LRRC37A2: variants seen among roughly 807,000 people sequenced by gnomAD.
The protein encoded by LRRC37A2 is leucine rich repeat containing 37 member A2.
A neutral mutation model predicts 68.8 loss-of-function variants in LRRC37A2; 9 were observed. The observed-to-expected ratio is 0.13, with a 90% CI of 0.08 to 0.23. The LOEUF (loss-of-function observed/expected upper bound fraction) is 0.23. Among genes scored for constraint, LRRC37A2 ranks in the 10% least tolerant of loss-of-function variants. The pLI is 1.00. For synonymous variants in LRRC37A2, 63 were observed against 367.6 expected, an observed-to-expected ratio of 0.17 and a Z score of 9.48; for missense variants, 168 against 950.4, an observed-to-expected ratio of 0.18 and a Z score of 10.82.
At chr17:46,720,939 C>T in the LRRC37A2 span, among the ~76,000 whole-genome samples, 1 of 152,176 alleles carries the variant, frequency 6.6e-6, no homozygotes, top group African/African-American at 2.4e-5. Context: ...TGGTGTGCTC[C>T]CATTTGCACT....
chr17:46,966,496 C>A, the LRRC37A2 span: 1 of 676,254 alleles, frequency 1.5e-6, no homozygotes. Flanking sequence ...TACAGGTGCA[C>A]CCCACCACAC....
the LRRC37A2 span, chr17:46,973,131 CAT>C: frequency 6.5e-6 from 1 of 153,144 alleles, no homozygotes; most frequent in East Asian, 2.0e-4. Flanking sequence ...GTGCAACCCA[CAT>C]GTGTACACGT....
At chr17:46,870,567 C>T in the LRRC37A2 span, among the ~76,000 whole-genome samples, 5 of 152,320 alleles carry the variant, frequency 3.3e-5, no homozygotes, top group East Asian at 1.9e-4. Context: ...TCGGAGGTTT[C>T]GGAGATATGC....
the LRRC37A2 span, among the ~76,000 whole-genome samples, chr17:46,852,697 C>CTTTAA: frequency 2.0e-5 from 3 of 152,106 alleles, no homozygotes; most frequent in South Asian, 6.2e-4. Flanking sequence ...CAGCCTGTTA[C>CTTTAA]TTTAAGCCTT....
the LRRC37A2 span, among the ~76,000 whole-genome samples, chr17:46,804,705 C>T: frequency 2.0e-5 from 3 of 152,176 alleles, no homozygotes; most frequent in Non-Finnish European, 2.9e-5. Context: ...TGAGGCCAGC[C>T]GGACTTCCTG....
chr17:47,035,730 C>G, the LRRC37A2 span, among the ~76,000 whole-genome samples: 1 of 152,196 alleles, frequency 6.6e-6, no homozygotes, highest in Non-Finnish European at 1.5e-5. Flanking sequence ...TTTTGAGGAC[C>G]TGTCAGGCTG....
At chr17:46,837,347 T>C in the LRRC37A2 span, among the ~76,000 whole-genome samples, 2 of 152,198 alleles carry the variant, frequency 1.3e-5, no homozygotes, top group African/African-American at 4.8e-5. Flanking sequence ...AACCTACTCA[T>C]GGAGCCAAAT....
chr17:46,881,579 C>G, the LRRC37A2 span, among the ~76,000 whole-genome samples: 1 of 152,332 alleles, frequency 6.6e-6, no homozygotes, highest in East Asian at 1.9e-4. Flanking sequence ...ACACCATCCT[C>G]ACCTCCTCCT....
chr17:46,491,176 C>T, the LRRC37A2 span, among the ~76,000 whole-genome samples: 6 of 151,088 alleles, frequency 4.0e-5, no homozygotes, highest in African/African-American at 7.4e-5. Flanking sequence ...GGATTATAGG[C>T]GTGAGCCACT....
At chr17:46,979,845 GA>G in the LRRC37A2 span, among the ~76,000 whole-genome samples, 4 of 146,254 alleles carry the variant, frequency 2.7e-5, no homozygotes, top group Non-Finnish European at 6.0e-5. Context: ...TAGAAAACAT[GA>G]ATTACCGAAA....
the LRRC37A2 span, among the ~76,000 whole-genome samples, chr17:46,771,440 G>C: frequency 6.6e-6 from 1 of 150,516 alleles, no homozygotes; most frequent in Non-Finnish European, 1.5e-5. Flanking sequence ...GCCTCTCGCG[G>C]CGGCAGCGGC....
At chr17:46,905,103 G>A in the LRRC37A2 span, among the ~76,000 whole-genome samples, 37 of 151,020 alleles carry the variant, frequency 2.5e-4, no homozygotes, top group Admixed American at 3.3e-4. Flanking sequence ...ATGGGGTTTC[G>A]CTCTGTTGCC....
the LRRC37A2 span, among the ~76,000 whole-genome samples, chr17:46,857,453 CA>C: frequency 3.6e-4 from 44 of 121,256 alleles, no homozygotes; most frequent in African/African-American, 1.4e-3. Context: ...CCAGCCTGGG[CA>C]ACAGAGCAAG....
chr17:46,841,854 T>C, the LRRC37A2 span, among the ~76,000 whole-genome samples: 3 of 152,152 alleles, frequency 2.0e-5, no homozygotes, highest in African/African-American at 7.2e-5. Flanking sequence ...AGTGAAGGGG[T>C]AGGCCGACCC....
chr17:46,939,151 C>G, the LRRC37A2 span: 1 of 1,115,276 alleles, frequency 9.0e-7, no homozygotes, highest in Non-Finnish European at 1.1e-6. Flanking sequence ...TCAGGCCTTT[C>G]TGGCTCCTGA....
chr17:47,000,287 T>G, the LRRC37A2 span, among the ~76,000 whole-genome samples: 2 of 147,632 alleles, frequency 1.4e-5, no homozygotes, highest in Admixed American at 1.4e-4. Flanking sequence ...CAGGCTGGAG[T>G]GCAGTGGTTC....
the LRRC37A2 span, among the ~76,000 whole-genome samples, chr17:46,769,488 C>T: frequency 7.2e-5 from 11 of 152,156 alleles, no homozygotes; most frequent in Admixed American, 7.2e-4. Context: ...GACAGCCCTA[C>T]ACCGCGTGCC....
chr17:46,575,286 G>GAA, the LRRC37A2 span, among the ~76,000 whole-genome samples: 7 of 146,630 alleles, frequency 4.8e-5, no homozygotes, highest in Non-Finnish European at 1.1e-4. Context: ...TAACAAGCCG[G>GAA]TAAAACACAG....
chr17:46,526,418 A>C lies in LRRC37A2; in HGVS notation c.2906+2534A>C, dbSNP rs1344621987. Among the ~76,000 whole-genome samples the C allele has an allele frequency of 1.5e-4, 15 of 102,764 alleles. 5 individuals are homozygous for C. Among genetic ancestry groups the C allele is most frequent in the Middle Eastern group, 5.4e-3 (1 of 186 alleles). The allele number at this position is 102,764 out of a possible 152,430, so 67.4% of individuals were successfully genotyped here. ...AAAAAAGAGGCCCCAGCTGTGGTTG[A>C]TCGATGATGAATAGAGCCTAACCTT... On this transcript the variant is annotated intron_variant, in intron 6 of 14. Coordinates refer to ENST00000576629, the Ensembl canonical transcript of LRRC37A2.
Sources: gnomAD v4.1 joint callset for allele counts (sites outside exome capture counted in the v4.1 genomes callset) on GRCh38, gnomAD v4.1.1 for gene constraint, MANE v1.5 for transcripts, NCBI Gene and HGNC (gene_info 2026-07-23, HGNC 2026-07-21) for gene names.